The following PDE4B variants were observed in gnomAD, a reference collection of about 807,000 sequenced individuals.
PDE4B encodes the protein 3',5'-cyclic-AMP phosphodiesterase 4B.
PDE4B carries 20 observed loss-of-function variants against 82.2 expected under a neutral mutation model. That is an observed-to-expected ratio of 0.24 (90% CI 0.17 to 0.35). PDE4B has a LOEUF of 0.35. Ranked by LOEUF, PDE4B falls within the 10% of genes least tolerant of loss-of-function variation. PDE4B has a pLI of 1.00. For synonymous variants in PDE4B, 320 were observed against 318.9 expected (o/e 1.00, Z -0.04); for missense variants, 655 against 907.2 (o/e 0.72, Z 3.57).
In PDE4B at chr1:66,052,479, C is replaced by G. The variant is rs115436833; in HGVS notation, c.281+133644C>G. On this transcript the variant is annotated intron_variant, in intron 3 of 16. Transcript: ENST00000341517. ...GCTGGAGCCTAGAGGGCTAAGAGGA[C>G]TCTTTCAAGGCCATGCCAGGGCTTA... Among the ~76,000 whole-genome samples, 305 of 151,926 alleles carry G rather than the reference C, an allele frequency of 2.0e-3. 2 individuals are homozygous for G. Among genetic ancestry groups the G allele is most frequent in the African/African-American group, 7.2e-3 (299 of 41,458 alleles).
At chr1:65,863,994 A>G (rs1325893748) in intron 1 of PDE4B, among the ~76,000 whole-genome samples, 3 of 152,038 alleles carry the variant, frequency 2.0e-5, no homozygotes, top group Non-Finnish European at 4.4e-5. Context: ...GCCTATATAC[A>G]TTTAAGATTA....
intron 1 of PDE4B, among the ~76,000 whole-genome samples, chr1:65,811,911 A>T (rs1018534968): frequency 2.0e-5 from 3 of 152,210 alleles, no homozygotes; most frequent in African/African-American, 7.2e-5. Context: ...TACATGAAAT[A>T]TAAAATATAC....
chr1:66,334,913 A>G (rs1660396239), intron 8 of PDE4B, among the ~76,000 whole-genome samples: 1 of 152,162 alleles, frequency 6.6e-6, no homozygotes, highest in African/African-American at 2.4e-5. Context: ...GGAGTTCGAG[A>G]TAATGCAATG....
chr1:65,843,204 A>C (rs1280088617), intron 1 of PDE4B, among the ~76,000 whole-genome samples: 1 of 152,178 alleles, frequency 6.6e-6, no homozygotes, highest in African/African-American at 2.4e-5. Context: ...AGGTATACTC[A>C]GGAAGTTTCC....
chr1:66,191,010 G>T (rs1647756906), intron 3 of PDE4B, among the ~76,000 whole-genome samples: 1 of 152,014 alleles, frequency 6.6e-6, no homozygotes, highest in Non-Finnish European at 1.5e-5. Context: ...TTGGTAAATT[G>T]TTTCTCATTT....
intron 3 of PDE4B, among the ~76,000 whole-genome samples, chr1:66,228,432 G>A (rs1651640646): frequency 6.6e-6 from 1 of 152,006 alleles, no homozygotes; most frequent in African/African-American, 2.4e-5. Context: ...AGACCATCCT[G>A]GCTAACACAG....
At chr1:66,083,912 G>T (rs894056878) in intron 3 of PDE4B, among the ~76,000 whole-genome samples, 10 of 152,084 alleles carry the variant, frequency 6.6e-5, no homozygotes, top group Admixed American at 5.2e-4. Flanking sequence ...CAGCTACATT[G>T]TAGGTATATT....
intron 13 of PDE4B, 73 bp from the exon 14 acceptor site, chr1:66,367,623 T>A: frequency 7.8e-7 from 1 of 1,287,080 alleles, no homozygotes; most frequent in East Asian, 2.3e-5. Context: ...AGGTCTGATT[T>A]CACTTTGAGA....
chr1:66,284,727 A>C (rs1320217812), intron 7 of PDE4B, among the ~76,000 whole-genome samples: 4 of 152,144 alleles, frequency 2.6e-5, no homozygotes, highest in African/African-American at 9.7e-5. Flanking sequence ...ATTGGAATGA[A>C]AGTCACCCTA....
chr1:66,124,017 A>G (rs145870492), intron 3 of PDE4B, among the ~76,000 whole-genome samples: 1 of 152,370 alleles, frequency 6.6e-6, no homozygotes, highest in African/African-American at 2.4e-5. Flanking sequence ...CAAAAAGCAA[A>G]GCAAATGCAA....
At chr1:65,944,257 T>G (rs553904478) in intron 3 of PDE4B, among the ~76,000 whole-genome samples, 6 of 151,124 alleles carry the variant, frequency 4.0e-5, no homozygotes, top group Admixed American at 4.0e-4. Flanking sequence ...GGTTTTTGAT[T>G]TTTTTTTTAG....
chr1:65,966,465 A>G (rs1193066447), intron 3 of PDE4B, among the ~76,000 whole-genome samples: 1 of 152,150 alleles, frequency 6.6e-6, no homozygotes, highest in Non-Finnish European at 1.5e-5. Flanking sequence ...GAAAATGGCC[A>G]TACTGACCAA....
intron 3 of PDE4B, among the ~76,000 whole-genome samples, chr1:66,030,966 G>T (rs1194036654): frequency 6.6e-6 from 1 of 152,200 alleles, no homozygotes; most frequent in Non-Finnish European, 1.5e-5. Context: ...CTAGAAGAGG[G>T]AGGGAGGGAA....
At chr1:65,831,662 CTCATTTTATGAAGCCAG>C (rs1030191209) in intron 1 of PDE4B, among the ~76,000 whole-genome samples, 6 of 149,402 alleles carry the variant, frequency 4.0e-5, no homozygotes, top group Non-Finnish European at 8.9e-5. Context: ...CACTTTCCAA[CTCATTTTATGAAGCCAG>C]CATTTTATGA....
At chr1:66,006,613 TATAGTTCCCTTAA>T (rs1652164826) in intron 3 of PDE4B, among the ~76,000 whole-genome samples, 1 of 152,220 alleles carries the variant, frequency 6.6e-6, no homozygotes, top group Admixed American at 6.5e-5. Context: ...CATCTTGAAT[TATAGTTCCCTTAA>T]TCTTCATGTG....
In PDE4B at chr1:66,108,360, A is replaced by G. The variant is rs1024796584; in HGVS notation, c.282-139100A>G. On this transcript the variant is annotated intron_variant, in intron 3 of 16. Transcript: ENST00000341517. ...GACTGTGAAACTACTAGAAGAAAAC[A>G]TAGGGGAAAAGCTTCTTGATAATGG... Among the ~76,000 whole-genome samples the G allele has an allele frequency of 5.3e-5, 8 of 152,108 alleles. No homozygotes were observed. The South Asian group carries it at 1.7e-3, about 32-fold the overall frequency.
intron 3 of PDE4B, among the ~76,000 whole-genome samples, chr1:66,155,942 G>A (rs1185440635): frequency 6.6e-6 from 1 of 152,060 alleles, no homozygotes; most frequent in Non-Finnish European, 1.5e-5. Flanking sequence ...TGTACTTTAT[G>A]CTTCTACAAA....
intron 7 of PDE4B, among the ~76,000 whole-genome samples, chr1:66,318,722 A>C (rs1412754418): frequency 1.3e-5 from 2 of 152,248 alleles, no homozygotes; most frequent in African/African-American, 4.8e-5. Context: ...AACATATTTT[A>C]CTTAATATAT....
intron 13 of PDE4B, among the ~76,000 whole-genome samples, chr1:66,366,743 C>G (rs1046668490): frequency 6.6e-6 from 1 of 152,102 alleles, no homozygotes; most frequent in Non-Finnish European, 1.5e-5. Flanking sequence ...GGCCAGTTAG[C>G]CTCACACAGA....
Sources: allele counts gnomAD v4.1 joint callset (sites outside exome capture counted in the v4.1 genomes callset), GRCh38; gene constraint gnomAD v4.1.1; transcripts MANE v1.5; gene names NCBI Gene and HGNC (gene_info 2026-07-23, HGNC 2026-07-21).